NT5DC3: variants seen among roughly 807,000 people sequenced by gnomAD.
NT5DC3 encodes 5'-nucleotidase domain containing 3.
A neutral mutation model predicts 67.8 loss-of-function variants in NT5DC3; 42 were observed. The observed-to-expected ratio is 0.62, with a 90% CI of 0.48 to 0.80. The LOEUF is 0.80. Among genes scored for constraint, NT5DC3 ranks in the 30% least tolerant of loss-of-function variants. NT5DC3 has a pLI of 0.00. For synonymous variants in NT5DC3, 237 were observed against 255.6 expected (o/e 0.93, Z 0.69); for missense variants, 570 against 696.4 (o/e 0.82, Z 2.04).
the NT5DC3 span, chr12:103,753,475 G>A: frequency 7.5e-7 from 1 of 1,328,962 alleles, no homozygotes; most frequent in Non-Finnish European, 1.0e-6. Flanking sequence ...GGTAGCTCCT[G>A]GAACAATGCT....
chr12:103,827,402 C>T (rs1376756854), intron 1 of NT5DC3, among the ~76,000 whole-genome samples: 5 of 151,962 alleles, frequency 3.3e-5, no homozygotes, highest in Admixed American at 6.6e-5. Context: ...ATCTATAAAC[C>T]GAAACTCTAG....
intron 1 of NT5DC3, among the ~76,000 whole-genome samples, chr12:103,825,985 A>T (rs1887679286): frequency 6.6e-6 from 1 of 152,236 alleles, no homozygotes; most frequent in Non-Finnish European, 1.5e-5. Flanking sequence ...GGGGAAAATA[A>T]GGCTAAGCAG....
chr12:103,831,879 CA>C (rs1285401028), intron 1 of NT5DC3, among the ~76,000 whole-genome samples: 1 of 150,804 alleles, frequency 6.6e-6, no homozygotes, highest in Non-Finnish European at 1.5e-5. Flanking sequence ...GGGTTCAAGC[CA>C]ATTCTCACGC....
intron 11 of NT5DC3, among the ~76,000 whole-genome samples, chr12:103,786,840 G>A (rs916149534): frequency 2.6e-5 from 4 of 151,956 alleles, no homozygotes; most frequent in East Asian, 1.9e-4. Context: ...GTGCTACCAC[G>A]CCCAGATAAT....
At chr12:103,785,513 A>G in intron 11 of NT5DC3, 38 bp from the exon 12 acceptor site, 1 of 1,605,972 alleles carries the variant, frequency 6.2e-7, no homozygotes, top group Non-Finnish European at 8.5e-7. Flanking sequence ...CGTCAGTCTC[A>G]ACAGAATCTA....
At chr12:103,756,636 C>G in the NT5DC3 span, among the ~76,000 whole-genome samples, 6,212 of 152,236 alleles carry the variant, frequency 0.041, 316 homozygotes, top group African/African-American at 0.12. Context: ...CCAGCCTCCC[C>G]CTCATGCTTT....
intron 2 of NT5DC3, among the ~76,000 whole-genome samples, chr12:103,809,471 C>G (rs568308475): frequency 6.6e-6 from 1 of 152,156 alleles, no homozygotes; most frequent in Admixed American, 6.5e-5. Context: ...TCCGTTCTCA[C>G]GCTGCTGATA....
At chr12:103,759,304 C>G in the NT5DC3 span, 1 of 1,608,614 alleles carries the variant, frequency 6.2e-7, no homozygotes, top group Non-Finnish European at 8.5e-7. Context: ...CTTGGGGGAA[C>G]GGGAGATAAT....
intron 9 of NT5DC3, chr12:103,789,163 C>T: frequency 2.3e-6 from 1 of 426,488 alleles, no homozygotes; most frequent in Non-Finnish European, 4.2e-6. Context: ...GTAGCTCACT[C>T]TTGTAAGCCC....
At chr12:103,770,378 A>G (rs1224181637), downstream of NT5DC3, 1 of 152,206 alleles carries the variant, frequency 6.6e-6, no homozygotes, top group Non-Finnish European at 1.5e-5. Context: ...GACAATTATA[A>G]TTGCTTAAAA....
At chr12:103,803,542 G>A (rs1206833256) in intron 4 of NT5DC3, among the ~76,000 whole-genome samples, 1 of 152,026 alleles carries the variant, frequency 6.6e-6, no homozygotes, top group African/African-American at 2.4e-5. Flanking sequence ...TCATGTCATG[G>A]GGGTTTGTTG....
intron 2 of NT5DC3, among the ~76,000 whole-genome samples, chr12:103,812,615 G>A (rs1053028915): frequency 3.9e-5 from 6 of 152,142 alleles, no homozygotes; most frequent in Non-Finnish European, 7.3e-5. Context: ...CCATAGGATG[G>A]AAAGGTGTTA....
chr12:103,780,751 A>G (rs891925275), intron 12 of NT5DC3, among the ~76,000 whole-genome samples: 1 of 152,220 alleles, frequency 6.6e-6, no homozygotes, highest in African/African-American at 2.4e-5. Context: ...TACAAACTAT[A>G]ATGTACAAAT....
chr12:103,771,441 T>G (rs957337877), downstream of NT5DC3: 13 of 152,208 alleles, frequency 8.5e-5, no homozygotes, highest in Admixed American at 2.0e-4. Context: ...ATGAATTGTA[T>G]CACGTAGATT....
At chr12:103,759,912 G>A in the NT5DC3 span, among the ~76,000 whole-genome samples, 1 of 152,214 alleles carries the variant, frequency 6.6e-6, no homozygotes, top group Non-Finnish European at 1.5e-5. Flanking sequence ...TTGGGATCAA[G>A]AGCTTATTTA....
intron 13 of NT5DC3, among the ~76,000 whole-genome samples, chr12:103,778,683 G>A (rs1566096988): frequency 6.6e-6 from 1 of 152,140 alleles, no homozygotes; most frequent in Non-Finnish European, 1.5e-5. Flanking sequence ...GCATATGTCT[G>A]TAGTTCCAGC....
the NT5DC3 span, chr12:103,755,852 T>C: frequency 2.8e-5 from 22 of 776,452 alleles, 1 homozygote; most frequent in Admixed American, 1.0e-4. Context: ...CTTGCCTGAA[T>C]CTAAAGCCTA....
At chr12:103,750,357 G>C in the NT5DC3 span, among the ~76,000 whole-genome samples, 2 of 152,246 alleles carry the variant, frequency 1.3e-5, no homozygotes, top group East Asian at 3.8e-4. Context: ...CAGGGAGGCT[G>C]TCTCTGAGGA....
At chr12:103,770,105 CCTAT>C (rs1885147719), downstream of NT5DC3, among the ~76,000 whole-genome samples, 1 of 152,194 alleles carries the variant, frequency 6.6e-6, no homozygotes, top group African/African-American at 2.4e-5. Flanking sequence ...GAAAACATGG[CCTAT>C]CCTCACACGA....
Sources: allele counts gnomAD v4.1 joint callset (sites outside exome capture counted in the v4.1 genomes callset), GRCh38; gene constraint gnomAD v4.1.1; transcripts MANE v1.5; gene names NCBI Gene and HGNC (gene_info 2026-07-23, HGNC 2026-07-21).